CHST11: variants seen among roughly 807,000 people sequenced by gnomAD.
The protein encoded by CHST11 is C4S-1.
Under a neutral mutation model 30.4 loss-of-function variants are expected in CHST11, and 9 were observed. The ratio of observed to expected loss-of-function variants is 0.30; its 90% CI spans 0.18 to 0.52. CHST11 has a LOEUF of 0.52. Among genes scored for constraint, CHST11 ranks in the 20% least tolerant of loss-of-function variants. CHST11 has a pLI of 0.97. For missense variants in CHST11, 348 were observed against 460.6 expected (o/e 0.76, Z 2.24); for synonymous variants, 152 against 187.8 (o/e 0.81, Z 1.56).
chr12:104,759,178 A>G lies in CHST11; in HGVS notation c.*1375A>G, dbSNP rs993351981. On this transcript the variant is annotated 3_prime_UTR_variant, in exon 3 of 3. Transcript: ENST00000303694. The stretch of plus-strand genomic sequence containing the variant: ...AGAGGTGGACTATTTGTACACATAC[A>G]CACATGCACACCCTCTCACGTCCTC... The G allele has an allele frequency of 2.0e-5, 3 of 152,204 alleles. No homozygotes were observed. The highest frequency in any genetic ancestry group is 4.4e-5 in the Non-Finnish European group (3 of 68,032). The allele number at this position is 152,204 out of a possible 1,614,324, so 9.4% of individuals were successfully genotyped here. A position where few individuals can be genotyped will look rare whatever the true frequency, so the allele number is the denominator to read the frequency against.
intron 2 of CHST11, among the ~76,000 whole-genome samples, chr12:104,748,186 TC>T (rs2040403443): frequency 6.6e-6 from 1 of 152,132 alleles, no homozygotes; most frequent in Admixed American, 6.5e-5. Flanking sequence ...TAGGAGTCTG[TC>T]GGCAGCAGAT....
intron 1 of CHST11, among the ~76,000 whole-genome samples, chr12:104,577,417 T>G (rs2038695659): frequency 6.6e-6 from 1 of 152,104 alleles, no homozygotes; most frequent in Non-Finnish European, 1.5e-5. Flanking sequence ...AGAAGGGCTG[T>G]GTACACACTA....
intron 1 of CHST11, among the ~76,000 whole-genome samples, chr12:104,593,941 T>C (rs1215569953): frequency 2.6e-5 from 4 of 152,214 alleles, no homozygotes; most frequent in Admixed American, 2.0e-4. Flanking sequence ...TGAGGAAGCA[T>C]TGGCACTTTG....
chr12:104,593,222 C>T (rs1003839588), intron 1 of CHST11, among the ~76,000 whole-genome samples: 4 of 152,130 alleles, frequency 2.6e-5, no homozygotes, highest in South Asian at 2.1e-4. Flanking sequence ...GAGGCCAACA[C>T]GGGAATGGCT....
At chr12:104,558,953 A>C (rs1220381417) in intron 1 of CHST11, among the ~76,000 whole-genome samples, 1 of 152,024 alleles carries the variant, frequency 6.6e-6, no homozygotes, top group African/African-American at 2.4e-5. Context: ...TGAGTAACAA[A>C]CCCATCTTAA....
At position 104,583,721 on chromosome 12, in the gene CHST11, C is replaced by CT. The variant is rs1297368145; in HGVS notation, c.119-18177dup. Reference sequence around the variant, plus strand: ...GCTCTCAGTTTTCAAAGATCTCTCTCTTTTTTTTGAGGATGGAGTCTCACT... The same window carrying CT: ...GCTCTCAGTTTTCAAAGATCTCTCTCTTTTTTTTTGAGGATGGAGTCTCACT... On this transcript the variant is annotated intron_variant, in intron 1 of 2. Transcript: ENST00000303694. 2.7e-3 allele frequency among the ~76,000 whole-genome samples: 27 copies of CT among 10,118 alleles called. No homozygotes were observed. The South Asian group carries it at 0.23, about 86-fold the overall frequency. 6.6% of individuals were successfully genotyped at this position (10,118 alleles called of 152,430 possible). A position where few individuals can be genotyped will look rare whatever the true frequency, so the allele number is the denominator to read the frequency against.
intron 2 of CHST11, among the ~76,000 whole-genome samples, chr12:104,702,254 A>G (rs2039995551): frequency 6.6e-6 from 1 of 152,214 alleles, no homozygotes; most frequent in Admixed American, 6.5e-5. Flanking sequence ...AATAATAATA[A>G]TAGCTAACAA....
intron 1 of CHST11, among the ~76,000 whole-genome samples, chr12:104,461,979 C>T (rs902584741): frequency 1.3e-5 from 2 of 151,764 alleles, no homozygotes; most frequent in African/African-American, 4.8e-5. Flanking sequence ...ACCTGACCAA[C>T]ATGGTGAATC....
intron 1 of CHST11, among the ~76,000 whole-genome samples, chr12:104,515,639 G>T (rs1007073550): frequency 7.2e-5 from 11 of 152,168 alleles, no homozygotes; most frequent in African/African-American, 2.7e-4. Context: ...GGAGCTTACA[G>T]TCTAGGGGGA....
At chr12:104,706,871 C>T (rs1431166062) in intron 2 of CHST11, among the ~76,000 whole-genome samples, 1 of 152,028 alleles carries the variant, frequency 6.6e-6, no homozygotes, top group Admixed American at 6.6e-5. Flanking sequence ...GAACTTGGGG[C>T]AAAATGTAGC....
At chr12:104,609,383 T>C (rs1473957947) in intron 2 of CHST11, among the ~76,000 whole-genome samples, 2 of 152,252 alleles carry the variant, frequency 1.3e-5, no homozygotes, top group Non-Finnish European at 2.9e-5. Flanking sequence ...TGCTTCATTA[T>C]TAATTGCAAA....
At chr12:104,631,828 T>C (rs957087160) in intron 2 of CHST11, among the ~76,000 whole-genome samples, 2 of 152,120 alleles carry the variant, frequency 1.3e-5, no homozygotes, top group East Asian at 3.9e-4. Flanking sequence ...GATTGCAGGG[T>C]CGGAGCCACG....
chr12:104,657,325 C>A (rs183395676), intron 2 of CHST11, among the ~76,000 whole-genome samples: 1 of 152,166 alleles, frequency 6.6e-6, no homozygotes, highest in Non-Finnish European at 1.5e-5. Flanking sequence ...TTATTGTCAG[C>A]GATTTGTGTT....
At chr12:104,681,705 C>T (rs1212238283) in intron 2 of CHST11, among the ~76,000 whole-genome samples, 2 of 152,024 alleles carry the variant, frequency 1.3e-5, no homozygotes, top group Non-Finnish European at 2.9e-5. Context: ...TAAAATTAGC[C>T]AGGTGTGGTA....
intron 2 of CHST11, among the ~76,000 whole-genome samples, chr12:104,680,051 C>T (rs1206351316): frequency 1.3e-5 from 2 of 152,178 alleles, no homozygotes; most frequent in African/African-American, 4.8e-5. Flanking sequence ...GAGCATTCAT[C>T]GACTCACCAA....
chr12:104,666,948 C>T (rs948770974), intron 2 of CHST11, among the ~76,000 whole-genome samples: 2 of 152,242 alleles, frequency 1.3e-5, no homozygotes, highest in African/African-American at 4.8e-5. Flanking sequence ...CTGCATCACA[C>T]TCCTGCCAGT....
chr12:104,692,675 C>T (rs879628227), intron 2 of CHST11, among the ~76,000 whole-genome samples: 28 of 152,198 alleles, frequency 1.8e-4, no homozygotes, highest in East Asian at 7.7e-4. Flanking sequence ...GAGTGGCAGG[C>T]GAGCAAGCAT....
At chr12:104,585,661 G>A (rs2038797089) in intron 1 of CHST11, among the ~76,000 whole-genome samples, 3 of 152,332 alleles carry the variant, frequency 2.0e-5, no homozygotes, top group Admixed American at 2.0e-4. Context: ...GAACCCATGT[G>A]TATCAGTTTG....
At chr12:104,464,213 A>G (rs1307837483) in intron 1 of CHST11, among the ~76,000 whole-genome samples, 2 of 151,804 alleles carry the variant, frequency 1.3e-5, no homozygotes, top group Non-Finnish European at 2.9e-5. Flanking sequence ...GATTACAGGC[A>G]TGCACCACCA....
Sources: gnomAD v4.1 joint callset for allele counts (sites outside exome capture counted in the v4.1 genomes callset) on GRCh38, gnomAD v4.1.1 for gene constraint, MANE v1.5 for transcripts, NCBI Gene and HGNC (gene_info 2026-07-23, HGNC 2026-07-21) for gene names.